Variants in TRPS1 observed in about 807,000 individuals in gnomAD.
TRPS1 encodes zinc finger transcription factor Trps1.
In TRPS1, 6 loss-of-function variants were observed where a neutral mutation model predicts 101.2. The ratio of observed to expected loss-of-function variants is 0.06; its 90% CI spans 0.03 to 0.12. The LOEUF (loss-of-function observed/expected upper bound fraction) is 0.12. TRPS1 is among the 10% of genes least tolerant of loss of function. The probability of loss-of-function intolerance (pLI) is 1.00; values close to 1 mark genes in which losing one functional copy is unlikely to be tolerated. For synonymous variants in TRPS1, 578 were observed against 589.8 expected, an observed-to-expected ratio of 0.98 and a Z score of 0.29; for missense variants, 1,363 against 1,567.0, an observed-to-expected ratio of 0.87 and a Z score of 2.20.
chr8:115,666,893 TTACAAAAGTTCAATGAATC>T (rs370071141), intron 1 of TRPS1, among the ~76,000 whole-genome samples: 2,370 of 152,176 alleles, frequency 0.016, 56 homozygotes, highest in African/African-American at 0.054. Flanking sequence ...CCTGGTGTGT[TTACAAAAGTTCAATGAATC>T]TACAAAAGTT....
chr8:115,641,881 AAAAC>A (rs1472871964), intron 1 of TRPS1, among the ~76,000 whole-genome samples: 2 of 125,088 alleles, frequency 1.6e-5, no homozygotes, highest in African/African-American at 1.2e-4. Context: ...CTCCGTCTCG[AAAAC>A]AAAACAAAAC....
At chr8:115,653,504 G>A (rs1175536242) in intron 1 of TRPS1, among the ~76,000 whole-genome samples, 1 of 152,094 alleles carries the variant, frequency 6.6e-6, no homozygotes, top group African/African-American at 2.4e-5. Flanking sequence ...GCTTTTTAAT[G>A]TCAAAGATCA....
intron 5 of TRPS1, among the ~76,000 whole-genome samples, chr8:115,517,303 C>T (rs1256589575): frequency 6.6e-6 from 1 of 151,610 alleles, no homozygotes; most frequent in Non-Finnish European, 1.5e-5. Flanking sequence ...AAAAGTTTTG[C>T]ATAAATACAC....
intron 1 of TRPS1, among the ~76,000 whole-genome samples, chr8:115,626,079 G>T (rs955562912): frequency 1.2e-4 from 18 of 151,614 alleles, no homozygotes; most frequent in Non-Finnish European, 2.2e-4. Context: ...ATTTCATGTA[G>T]CTTTTATTTT....
chr8:115,603,823 T>A, intron 4 of TRPS1, 50 bp downstream of exon 4: 1 of 1,604,328 alleles, frequency 6.2e-7, no homozygotes, highest in East Asian at 2.2e-5. Flanking sequence ...ATGGATTTTT[T>A]CTATTATTTT....
chr8:115,555,143 A>C (rs1816788299), intron 5 of TRPS1, among the ~76,000 whole-genome samples: 1 of 152,158 alleles, frequency 6.6e-6, no homozygotes, highest in African/African-American at 2.4e-5. Flanking sequence ...CTTAACAATC[A>C]CAGTTTTCAC....
At chr8:115,562,876 CTG>C (rs10588354) in intron 5 of TRPS1, among the ~76,000 whole-genome samples, 19,422 of 132,388 alleles carry the variant, frequency 0.15, 1,281 homozygotes, top group Middle Eastern at 0.21. Context: ...CCCACAGTGT[CTG>C]TGTGTGTGTG....
chr8:115,444,890 C>G (rs1025319053), intron 5 of TRPS1, among the ~76,000 whole-genome samples: 2 of 152,142 alleles, frequency 1.3e-5, no homozygotes, highest in Non-Finnish European at 2.9e-5. Context: ...GGGATAGCTC[C>G]TTGCACTTGT....
At chr8:115,417,443 G>C (rs773607564) in intron 6 of TRPS1, among the ~76,000 whole-genome samples, 3 of 152,064 alleles carry the variant, frequency 2.0e-5, no homozygotes, top group Non-Finnish European at 4.4e-5. Flanking sequence ...TGTGCTAAGA[G>C]CTATGGTAAA....
chr8:115,476,000 ACTTT>A (rs1814597202), intron 5 of TRPS1, among the ~76,000 whole-genome samples: 1 of 66,930 alleles, frequency 1.5e-5, no homozygotes, highest in Non-Finnish European at 2.4e-5. Context: ...CAGAAAATAT[ACTTT>A]CTTTTTTTTT....
At chr8:115,482,989 T>A (rs1431398894) in intron 5 of TRPS1, among the ~76,000 whole-genome samples, 1 of 152,238 alleles carries the variant, frequency 6.6e-6, no homozygotes, top group Non-Finnish European at 1.5e-5. Context: ...GAGTTTTATT[T>A]AACTGCCTTG....
chr8:115,657,896 C>T (rs1172400157), intron 1 of TRPS1, among the ~76,000 whole-genome samples: 1 of 151,646 alleles, frequency 6.6e-6, no homozygotes, highest in African/African-American at 2.4e-5. Flanking sequence ...ACACTGTCCC[C>T]AGAATGGAAA....
At chr8:115,507,597 G>A (rs915707277) in intron 5 of TRPS1, among the ~76,000 whole-genome samples, 4 of 151,888 alleles carry the variant, frequency 2.6e-5, no homozygotes, top group Non-Finnish European at 2.9e-5. Context: ...AAAGTCTCTC[G>A]TCACCCATAC....
intron 5 of TRPS1, among the ~76,000 whole-genome samples, chr8:115,508,742 T>C (rs1258881047): frequency 1.3e-5 from 2 of 151,988 alleles, no homozygotes; most frequent in African/African-American, 4.8e-5. Flanking sequence ...ACCTTTCTCT[T>C]GTAACTTTGC....
intron 5 of TRPS1, among the ~76,000 whole-genome samples, chr8:115,528,222 C>T (rs998745069): frequency 1.5e-4 from 23 of 151,942 alleles, no homozygotes; most frequent in Admixed American, 8.5e-4. Context: ...GAGCAATTTA[C>T]GTGAAAAAAG....
At chr8:115,535,111 ATATCGCATATG>A (rs1294053077) in intron 5 of TRPS1, among the ~76,000 whole-genome samples, 6 of 70,098 alleles carry the variant, frequency 8.6e-5, no homozygotes, top group African/African-American at 2.2e-4. Flanking sequence ...TATAGCATAT[ATATCGCATATG>A]TATAGCATAT....
At chr8:115,562,598 T>TA (rs1014039533) in intron 5 of TRPS1, among the ~76,000 whole-genome samples, 9 of 152,010 alleles carry the variant, frequency 5.9e-5, no homozygotes, top group African/African-American at 1.7e-4. Flanking sequence ...TGATTTGTTT[T>TA]AAAACAATTT....
intron 5 of TRPS1, among the ~76,000 whole-genome samples, chr8:115,470,123 T>C (rs948473440): frequency 6.6e-6 from 1 of 152,230 alleles, no homozygotes; most frequent in African/African-American, 2.4e-5. Context: ...TAAGCACTTC[T>C]CTTTGATGCA....
At chr8:115,593,623 A>G (rs1333713163) in intron 4 of TRPS1, among the ~76,000 whole-genome samples, 1 of 152,168 alleles carries the variant, frequency 6.6e-6, no homozygotes, top group East Asian at 1.9e-4. Context: ...GTAAAAGAAA[A>G]CTTTTCTCAA....
Sources: gnomAD v4.1 joint callset for allele counts (sites outside exome capture counted in the v4.1 genomes callset) on GRCh38, gnomAD v4.1.1 for gene constraint, MANE v1.5 for transcripts, NCBI Gene and HGNC (gene_info 2026-07-23, HGNC 2026-07-21) for gene names.